The following KIAA1217 variants were observed in gnomAD, a reference collection of about 807,000 sequenced individuals.
KIAA1217 encodes KIAA1217, also known as sickle tail protein homolog.
A neutral mutation model predicts 163.9 loss-of-function variants in KIAA1217; 88 were observed. The ratio of observed to expected loss-of-function variants is 0.54; its 90% CI spans 0.45 to 0.64. The LOEUF (loss-of-function observed/expected upper bound fraction) is 0.64. Ranked by LOEUF, KIAA1217 falls within the 30% of genes least tolerant of loss-of-function variation. The pLI, the probability that KIAA1217 is intolerant of heterozygous loss-of-function variation, is 0.00. For synonymous variants in KIAA1217, 903 were observed against 923.1 expected (o/e 0.98, Z 0.39); for missense variants, 2,372 against 2,475.0 (o/e 0.96, Z 0.88).
intron 2 of KIAA1217, among the ~76,000 whole-genome samples, chr10:24,023,397 G>T (rs575260926): frequency 6.6e-6 from 1 of 151,666 alleles, no homozygotes; most frequent in East Asian, 1.9e-4. Context: ...TGTATACACA[G>T]TTGACCCTTG....
intron 2 of KIAA1217, chr10:24,042,618 T>C (rs763479604): frequency 2.0e-5 from 3 of 152,208 alleles, no homozygotes; most frequent in Non-Finnish European, 2.9e-5. Flanking sequence ...TTTGATTGAA[T>C]GTGAAATTTT....
chr10:23,770,355 T>C (rs990939273), intron 1 of KIAA1217, among the ~76,000 whole-genome samples: 16 of 152,224 alleles, frequency 1.1e-4, no homozygotes, highest in Non-Finnish European at 2.4e-4. Context: ...CTCTGTTGTT[T>C]AGGCTTTAGT....
At chr10:23,846,718 C>T (rs773833239) in intron 1 of KIAA1217, among the ~76,000 whole-genome samples, 10 of 152,102 alleles carry the variant, frequency 6.6e-5, no homozygotes, top group South Asian at 2.1e-4. Flanking sequence ...TATTTGAATA[C>T]GCTTTATTTC....
chr10:24,158,593 G>T, intron 2 of KIAA1217: 1 of 506,856 alleles, frequency 2.0e-6, no homozygotes. Flanking sequence ...TGACAGACGT[G>T]CTTTATCATC....
At chr10:23,919,838 A>G (rs1054805940) in intron 1 of KIAA1217, among the ~76,000 whole-genome samples, 1 of 152,088 alleles carries the variant, frequency 6.6e-6, no homozygotes. Flanking sequence ...AACGACTGCA[A>G]AATTCTGCCC....
At chr10:24,113,185 G>C (rs749120681) in intron 2 of KIAA1217, among the ~76,000 whole-genome samples, 1 of 151,988 alleles carries the variant, frequency 6.6e-6, no homozygotes, top group Admixed American at 6.6e-5. Context: ...ATATTCTACC[G>C]GTCACACAGG....
intron 2 of KIAA1217, among the ~76,000 whole-genome samples, chr10:24,066,338 G>T (rs934987599): frequency 8.6e-5 from 13 of 151,508 alleles, no homozygotes; most frequent in African/African-American, 2.9e-4. Context: ...GGCAGGCCTG[G>T]TGGTGACAAA....
At chr10:24,251,849 C>T (rs1049107056) in intron 2 of KIAA1217, among the ~76,000 whole-genome samples, 4 of 118,270 alleles carry the variant, frequency 3.4e-5, no homozygotes, top group Admixed American at 1.1e-4. Flanking sequence ...TAAGCTTCTG[C>T]ATCTGTTAAA....
rs182968204 is a variant in KIAA1217 at position 24,250,393 on chromosome 10, C to T, written c.354+30484C>T. ...AATGCACATTGGCAACAATTTTACG[C>T]GTGTTTCCAAAAGTGCTGACTGGAA... On this transcript the variant is annotated intron_variant, in intron 2 of 20. Coordinates refer to ENST00000376454, the MANE Select transcript of KIAA1217 (RefSeq NM_019590.5). Among the ~76,000 whole-genome samples the T allele has an allele frequency of 4.3e-4, 65 of 151,018 alleles. 1 individual carries two copies. The highest frequency in any genetic ancestry group is 7.1e-3 in the Middle Eastern group (2 of 282).
chr10:24,539,252 G>A (rs963429750), intron 17 of KIAA1217, among the ~76,000 whole-genome samples: 1 of 151,612 alleles, frequency 6.6e-6, no homozygotes, highest in African/African-American at 2.4e-5. Context: ...TAATTGAAAT[G>A]GAGTCTCGCT....
chr10:24,067,834 G>C (rs1365066151), intron 2 of KIAA1217, among the ~76,000 whole-genome samples: 2 of 152,210 alleles, frequency 1.3e-5, no homozygotes, highest in Admixed American at 6.5e-5. Context: ...ACTCAAGCCT[G>C]AGCAATGGCG....
At chr10:23,699,913 A>G (rs1040030834) in intron 1 of KIAA1217, among the ~76,000 whole-genome samples, 1 of 152,242 alleles carries the variant, frequency 6.6e-6, no homozygotes, top group Admixed American at 6.5e-5. Context: ...CTACAGGTCT[A>G]AGACCTAGCA....
rs563865224 is a variant in KIAA1217 at position 24,475,440 on chromosome 10, C to A, written c.1679+1380C>A. Among the ~76,000 whole-genome samples, 6 of 152,238 alleles carry A rather than the reference C, an allele frequency of 3.9e-5. No homozygotes were observed. In the East Asian group the frequency reaches 1.2e-3, roughly 29 times the overall value. On this transcript the variant is annotated intron_variant, in intron 6 of 20. Coordinates refer to ENST00000376454, the MANE Select transcript of KIAA1217 (RefSeq NM_019590.5). ...TTAGCACAGTTTTATTATGAAAGGG[C>A]AATCCCTTCTTACTTGTTCAGTTAC...
At chr10:23,721,561 A>G (rs1837874259) in intron 1 of KIAA1217, among the ~76,000 whole-genome samples, 1 of 152,072 alleles carries the variant, frequency 6.6e-6, no homozygotes, top group African/African-American at 2.4e-5. Context: ...AAGTGTAAGT[A>G]AACAAATAAC....
intron 1 of KIAA1217, among the ~76,000 whole-genome samples, chr10:23,786,629 G>T (rs373256049): frequency 6.6e-6 from 1 of 152,160 alleles, no homozygotes. Flanking sequence ...CTTAGGAAGT[G>T]AGCTCCTGTA....
intron 1 of KIAA1217, among the ~76,000 whole-genome samples, chr10:23,790,378 T>TATATATACATATGTATATATAC (rs1295388038): frequency 1.2e-4 from 10 of 86,286 alleles, no homozygotes; most frequent in Non-Finnish European, 1.3e-4. Flanking sequence ...TATACATATG[T>TATATATACATATGTATATATAC]ATATATACAT....
chr10:24,488,830 G>A (rs141200591), intron 6 of KIAA1217, among the ~76,000 whole-genome samples: 9 of 152,190 alleles, frequency 5.9e-5, no homozygotes, highest in Admixed American at 3.3e-4. Context: ...AAATGCCTTC[G>A]GCACTGCCAA....
intron 2 of KIAA1217, among the ~76,000 whole-genome samples, chr10:24,223,905 T>C (rs1035891032): frequency 8.5e-6 from 1 of 117,280 alleles, no homozygotes; most frequent in Non-Finnish European, 1.6e-5. Context: ...CGACTGAAAA[T>C]CTAGGTTCTA....
intron 1 of KIAA1217, among the ~76,000 whole-genome samples, chr10:24,000,787 C>T (rs1846704933): frequency 6.6e-6 from 1 of 152,232 alleles, no homozygotes; most frequent in South Asian, 2.1e-4. Flanking sequence ...GGATGCCGTG[C>T]CTTGTCTACA....
Sources: allele counts gnomAD v4.1 joint callset (sites outside exome capture counted in the v4.1 genomes callset), GRCh38; gene constraint gnomAD v4.1.1; transcripts MANE v1.5; gene names NCBI Gene and HGNC (gene_info 2026-07-23, HGNC 2026-07-21).